Variants in THSD7A observed in about 807,000 individuals in gnomAD.
THSD7A encodes thrombospondin type-1 domain-containing protein 7A.
THSD7A carries 96 observed loss-of-function variants against 231.3 expected under a neutral mutation model. The ratio of observed to expected loss-of-function variants is 0.41; its 90% CI spans 0.35 to 0.49. THSD7A has a LOEUF of 0.49. Ranked by LOEUF, THSD7A falls within the 20% of genes least tolerant of loss-of-function variation. THSD7A has a pLI of 0.05. For missense variants in THSD7A, 2,290 were observed against 2,070.2 expected, an observed-to-expected ratio of 1.11 and a Z score of -2.06; for synonymous variants, 940 against 743.3, an observed-to-expected ratio of 1.26 and a Z score of -4.30.
chr7:11,423,220 G>C (rs1784208243), intron 16 of THSD7A, among the ~76,000 whole-genome samples: 1 of 151,984 alleles, frequency 6.6e-6, no homozygotes, highest in African/African-American at 2.4e-5. Context: ...TTATATATAG[G>C]TCCATATGCA....
In THSD7A at chr7:11,406,201, T is replaced by C; in HGVS notation, c.4237+99A>G. 8.2e-7 allele frequency: 1 copy of C among 1,216,962 alleles called. No homozygotes were observed. Among genetic ancestry groups the C allele is most frequent in the Non-Finnish European group, 1.1e-6 (1 of 870,212 alleles). The allele number at this position is 1,216,962 out of a possible 1,614,324, so 75.4% of individuals were successfully genotyped here. A position where few individuals can be genotyped will look rare whatever the true frequency, so the allele number is the denominator to read the frequency against. ...CATAGATATTACTGAATAAGAAGAC[T>C]GTTGACATCCTGTAACTTATACTTT... On this transcript the variant is annotated intron_variant, in intron 22 of 27. Coordinates refer to ENST00000423059, the MANE Select transcript of THSD7A (RefSeq NM_015204.3). The surrounding 1 kb of genome is among the most constrained non-coding windows in gnomAD (Gnocchi z 4.7).
intron 1 of THSD7A, among the ~76,000 whole-genome samples, chr7:11,823,562 C>G (rs1784933786): frequency 6.6e-6 from 1 of 151,998 alleles, no homozygotes. Context: ...GTCATTGTAA[C>G]AATATTAATT....
At chr7:11,510,365 T>C (rs1408228307) in intron 6 of THSD7A, among the ~76,000 whole-genome samples, 2 of 152,136 alleles carry the variant, frequency 1.3e-5, no homozygotes. Context: ...GCTGGTACTA[T>C]TCCTTCTGAA....
At chr7:11,427,340 T>G (rs1240285270) in intron 14 of THSD7A, among the ~76,000 whole-genome samples, 3 of 152,192 alleles carry the variant, frequency 2.0e-5, no homozygotes, top group Non-Finnish European at 4.4e-5. Context: ...GTTCAAAAAT[T>G]TATTATTTGT....
At chr7:11,427,006 G>C (rs897619030) in intron 14 of THSD7A, among the ~76,000 whole-genome samples, 2 of 152,118 alleles carry the variant, frequency 1.3e-5, no homozygotes, top group African/African-American at 4.8e-5. Context: ...AATAACTTGT[G>C]ATCCAACTTG....
At chr7:11,531,508 G>C (rs534658762) in intron 6 of THSD7A, among the ~76,000 whole-genome samples, 20 of 152,152 alleles carry the variant, frequency 1.3e-4, no homozygotes, top group Non-Finnish European at 2.6e-4. Flanking sequence ...TGGCCATGTT[G>C]TTGTTCCTCA....
intron 1 of THSD7A, among the ~76,000 whole-genome samples, chr7:11,771,972 A>G (rs1254641733): frequency 6.6e-6 from 1 of 152,162 alleles, no homozygotes; most frequent in African/African-American, 2.4e-5. Context: ...GCCATGGTTG[A>G]AAGTTTGCTG....
chr7:11,422,598 C>CAAAA lies in THSD7A; in HGVS notation c.3383+2094_3383+2097dup, dbSNP rs5882308. On this transcript the variant is annotated intron_variant, in intron 16 of 27. Transcript: ENST00000423059. ...ATGTTAAGACTATCTATTTACAAAGCAAAAAAAAAAAAAAAAAAAGTAACA... is the reference window on the plus strand; with the variant it reads ...ATGTTAAGACTATCTATTTACAAAGCAAAAAAAAAAAAAAAAAAAAAAAGTAACA... 9.8e-4 allele frequency among the ~76,000 whole-genome samples: 96 copies of CAAAA among 97,876 alleles called. 1 individual carries two copies. Among genetic ancestry groups the CAAAA allele is most frequent in the African/African-American group, 2.7e-3 (75 of 28,260 alleles). The allele number at this position is 97,876 out of a possible 152,430, so 64.2% of individuals were successfully genotyped here.
At chr7:11,422,657 A>T (rs912207469) in intron 16 of THSD7A, among the ~76,000 whole-genome samples, 1 of 151,890 alleles carries the variant, frequency 6.6e-6, no homozygotes, top group African/African-American at 2.4e-5. Flanking sequence ...AGCTGAAAAA[A>T]CAACCCAGTG....
intron 6 of THSD7A, among the ~76,000 whole-genome samples, chr7:11,510,878 C>A (rs1333670541): frequency 6.6e-6 from 1 of 152,054 alleles, no homozygotes; most frequent in Non-Finnish European, 1.5e-5. Context: ...TGGCACAAGA[C>A]AGGGATGCCC....
In THSD7A at chr7:11,452,223, A is replaced by G. The variant is rs192036301; in HGVS notation, c.2606-4799T>C. Among the ~76,000 whole-genome samples, 78 of 152,194 alleles carry G rather than the reference A, an allele frequency of 5.1e-4. No individual in the cohort carries two copies. The East Asian group carries it at 0.013, about 25-fold the overall frequency. On this transcript the variant is annotated intron_variant, in intron 11 of 27. Transcript: ENST00000423059. ...TATGAAAAAAATGGCAATAGCGAGA[A>G]TGAATCATGTAGAAATGAAGAAGAA...
At chr7:11,575,794 G>T (rs917727115) in intron 4 of THSD7A, among the ~76,000 whole-genome samples, 1 of 152,150 alleles carries the variant, frequency 6.6e-6, no homozygotes, top group African/African-American at 2.4e-5. Flanking sequence ...ATTACACTTT[G>T]ATATTTCTAC....
chr7:11,760,653 T>C (rs1173509511), intron 1 of THSD7A, among the ~76,000 whole-genome samples: 1 of 152,056 alleles, frequency 6.6e-6, no homozygotes, highest in African/African-American at 2.4e-5. Flanking sequence ...GTGCCCTTCA[T>C]GGATGGTTTA....
intron 4 of THSD7A, among the ~76,000 whole-genome samples, chr7:11,546,465 C>T (rs1360397639): frequency 2.6e-5 from 4 of 152,142 alleles, no homozygotes; most frequent in Non-Finnish European, 5.9e-5. Context: ...TGAGCCTGGG[C>T]CACCTGAAAT....
chr7:11,670,190 G>C (rs1219019140), intron 1 of THSD7A, among the ~76,000 whole-genome samples: 1 of 152,162 alleles, frequency 6.6e-6, no homozygotes, highest in Admixed American at 6.6e-5. Flanking sequence ...TATCATGGAG[G>C]GTATGGAGAG....
chr7:11,787,999 T>A (rs745741094), intron 1 of THSD7A, among the ~76,000 whole-genome samples: 4 of 152,068 alleles, frequency 2.6e-5, no homozygotes, highest in Non-Finnish European at 5.9e-5. Context: ...TGTTCTACAG[T>A]CTGCAAAGTT....
intron 1 of THSD7A, among the ~76,000 whole-genome samples, chr7:11,775,952 C>T (rs1057001192): frequency 2.0e-5 from 3 of 152,122 alleles, no homozygotes; most frequent in Non-Finnish European, 4.4e-5. Flanking sequence ...TCTAAATGTT[C>T]ATGAAAATGC....
At chr7:11,407,589 T>C (rs1783629859) in intron 19 of THSD7A, among the ~76,000 whole-genome samples, 166 bp from the exon 20 acceptor site, 1 of 152,170 alleles carries the variant, frequency 6.6e-6, no homozygotes, top group Non-Finnish European at 1.5e-5. Flanking sequence ...ATAAAGTGGT[T>C]TGACCTAGGA....
chr7:11,828,170 T>A (rs994089127), intron 1 of THSD7A, among the ~76,000 whole-genome samples: 1 of 152,236 alleles, frequency 6.6e-6, no homozygotes, highest in Admixed American at 6.5e-5. Flanking sequence ...CACCTACTTA[T>A]AAGTTAAAGT....
Sources: gnomAD v4.1 joint callset for allele counts (sites outside exome capture counted in the v4.1 genomes callset) on GRCh38, gnomAD v4.1.1 for gene constraint, Gnocchi (gnomAD v3.1) non-coding constraint, MANE v1.5 for transcripts, NCBI Gene and HGNC (gene_info 2026-07-23, HGNC 2026-07-21) for gene names.